CRK: variants seen among roughly 807,000 people sequenced by gnomAD.
CRK encodes the protein adapter molecule crk.
A neutral mutation model predicts 29.8 loss-of-function variants in CRK; 4 were observed. The observed-to-expected ratio is 0.13, with a 90% CI of 0.07 to 0.31. The LOEUF is 0.31. Ranked by LOEUF, CRK falls within the 10% of genes least tolerant of loss-of-function variation. CRK has a pLI of 1.00. For missense variants in CRK, 274 were observed against 396.5 expected, an observed-to-expected ratio of 0.69 and a Z score of 2.62; for synonymous variants, 153 against 164.9, an observed-to-expected ratio of 0.93 and a Z score of 0.55.
At chr17:1,454,249 A>G (rs7222282) in intron 1 of CRK, among the ~76,000 whole-genome samples, 152,239 of 152,240 alleles carry the variant, frequency 1, 76,119 homozygotes, top group Non-Finnish European at 1. Context: ...TAAAAAAATT[A>G]GTATGTGTTG....
At chr17:1,430,871 T>C (rs1224650135) in intron 2 of CRK, among the ~76,000 whole-genome samples, 1 of 150,936 alleles carries the variant, frequency 6.6e-6, no homozygotes, top group Non-Finnish European at 1.5e-5. Context: ...ATCGAGACCA[T>C]CCTGGCTAAC....
At chr17:1,436,159 A>T (rs910905579) in intron 2 of CRK, among the ~76,000 whole-genome samples, 5 of 152,114 alleles carry the variant, frequency 3.3e-5, no homozygotes, top group African/African-American at 1.2e-4. Context: ...CTCAATGAAC[A>T]TTAGTGGTAA....
intron 1 of CRK, among the ~76,000 whole-genome samples, chr17:1,454,009 T>A (rs998658524): frequency 5.3e-5 from 8 of 152,020 alleles, no homozygotes; most frequent in Non-Finnish European, 1.2e-4. Context: ...AAGACCAATC[T>A]GGCCAACCTG....
chr17:1,452,291 G>A (rs765747356), intron 1 of CRK, among the ~76,000 whole-genome samples: 1 of 152,176 alleles, frequency 6.6e-6, no homozygotes, highest in Non-Finnish European at 1.5e-5. Context: ...GTCCTAGACA[G>A]TAAGTGAAAT....
chr17:1,432,673 G>A (rs1452254424), intron 2 of CRK, among the ~76,000 whole-genome samples: 5 of 151,114 alleles, frequency 3.3e-5, no homozygotes, highest in Non-Finnish European at 5.9e-5. Context: ...GCTACTTGGG[G>A]GGCTGAGGCA....
chr17:1,437,303 C>G (rs989620723), intron 1 of CRK, 148 bp from the exon 2 acceptor site: 10 of 837,952 alleles, frequency 1.2e-5, no homozygotes, highest in Non-Finnish European at 1.8e-5. Context: ...CCTCTCACCA[C>G]AAACTCCTGA....
chr17:1,455,776 C>T, intron 1 of CRK, 101 bp downstream of exon 1: 1 of 1,368,646 alleles, frequency 7.3e-7, no homozygotes, highest in Non-Finnish European at 9.4e-7. Flanking sequence ...CAGCCCTCTG[C>T]CCACGACCCC....
At chr17:1,430,254 G>A (rs1432329839) in intron 2 of CRK, among the ~76,000 whole-genome samples, 1 of 151,862 alleles carries the variant, frequency 6.6e-6, no homozygotes, top group Admixed American at 6.6e-5. Context: ...ATGTTAGTCA[G>A]GCTGGTCTCG....
chr17:1,436,025 C>T (rs1473433112), intron 2 of CRK, among the ~76,000 whole-genome samples: 1 of 152,112 alleles, frequency 6.6e-6, no homozygotes, highest in African/African-American at 2.4e-5. Context: ...AAATTAATTC[C>T]TGAGGAAGAA....
intron 1 of CRK, among the ~76,000 whole-genome samples, chr17:1,454,125 C>A (rs1409923462): frequency 6.6e-6 from 1 of 151,978 alleles, no homozygotes; most frequent in Non-Finnish European, 1.5e-5. Flanking sequence ...TCACTTGAAC[C>A]CAAAAGGCAA....
intron 1 of CRK, among the ~76,000 whole-genome samples, chr17:1,448,106 C>T (rs1465440199): frequency 6.6e-6 from 1 of 151,984 alleles, no homozygotes; most frequent in Non-Finnish European, 1.5e-5. Context: ...CGCGCCACTG[C>T]ACTCCAGCCT....
chr17:1,428,243 A>T (rs8070290), intron 2 of CRK, among the ~76,000 whole-genome samples: 12 of 150,174 alleles, frequency 8.0e-5, no homozygotes, highest in East Asian at 4.0e-4. Flanking sequence ...CTCAGCCTCC[A>T]GAGTAGCTGG....
chr17:1,451,586 G>T (rs569113549), intron 1 of CRK, among the ~76,000 whole-genome samples: 1 of 152,114 alleles, frequency 6.6e-6, no homozygotes, highest in African/African-American at 2.4e-5. Context: ...GGATGCGGCT[G>T]TATGTGCCTG....
chr17:1,423,387 C>G lies in CRK; in HGVS notation c.*126G>C. ...TGGAGCAGTTCAGTCTAAAAAATAT[C>G]ACAGGTAACAGAATGCTTATATAAA... is the stretch of plus-strand genomic sequence containing the variant. On this transcript the variant is annotated 3_prime_UTR_variant, in exon 3 of 3. Transcript: ENST00000300574. The G allele has an allele frequency of 8.4e-7, 1 of 1,190,172 alleles. No individual in the cohort carries two copies. Among genetic ancestry groups the G allele is most frequent in the Admixed American group, 2.6e-5 (1 of 38,770 alleles). 73.7% of individuals were successfully genotyped at this position (1,190,172 alleles called of 1,614,324 possible).
chr17:1,446,163 G>A (rs972083047), intron 1 of CRK, among the ~76,000 whole-genome samples: 3 of 152,138 alleles, frequency 2.0e-5, no homozygotes, highest in Non-Finnish European at 4.4e-5. Context: ...AGCATTGTTG[G>A]AGATAACACA....
intron 2 of CRK, among the ~76,000 whole-genome samples, chr17:1,434,692 GGAATCACTT>G (rs1479372694): frequency 6.6e-6 from 1 of 150,758 alleles, no homozygotes; most frequent in Non-Finnish European, 1.5e-5. Context: ...CTGAGGCAGG[GGAATCACTT>G]GAACCTGGGA....
At position 1,449,988 on chromosome 17, in the gene CRK, C is replaced by G. The variant is rs189076031; in HGVS notation, c.241+5889G>C. ...TCAAGGCAGGTGGATTACTTGAGGT[C>G]AGGAGATCGAGACCAGCCTGGCCAA... On this transcript the variant is annotated intron_variant, in intron 1 of 2. Coordinates refer to ENST00000300574, the MANE Select transcript of CRK (RefSeq NM_016823.4). Among the ~76,000 whole-genome samples, 769 of 152,208 alleles carry G rather than the reference C, an allele frequency of 5.1e-3. 1 individual carries two copies. Among genetic ancestry groups the G allele is most frequent in the Non-Finnish European group, 8.1e-3 (552 of 68,010 alleles).
rs561693624 is a variant in CRK, at chr17:1,443,640, C to T, written c.242-6485G>A. ...GGTTTCGATCTCCTGACCTCGTGAT[C>T]CACCCACCTCGGCCTCCTAAAGTGC... On this transcript the variant is annotated intron_variant, in intron 1 of 2. Coordinates refer to ENST00000300574, the MANE Select transcript of CRK (RefSeq NM_016823.4). 6.6e-5 allele frequency among the ~76,000 whole-genome samples: 10 copies of T among 151,792 alleles called. No individual in the cohort carries two copies. The South Asian group carries it at 1.9e-3, about 28-fold the overall frequency.
rs114614227 is a variant in CRK, at chr17:1,428,056, T to C, written c.778-4406A>G. On this transcript the variant is annotated intron_variant, in intron 2 of 2. Transcript: ENST00000300574. The stretch of plus-strand genomic sequence containing the variant: ...ACCCCTTGCTGTTAACACAGAACCA[T>C]ACCAATTTCTCAAAATGTGGGGCAA... 6.3e-3 allele frequency among the ~76,000 whole-genome samples: 947 copies of C among 151,322 alleles called. 10 individuals carry two copies. Among genetic ancestry groups the C allele is most frequent in the African/African-American group, 0.021 (878 of 41,174 alleles).
Sources: allele counts gnomAD v4.1 joint callset (sites outside exome capture counted in the v4.1 genomes callset), GRCh38; gene constraint gnomAD v4.1.1; transcripts MANE v1.5; gene names NCBI Gene and HGNC (gene_info 2026-07-23, HGNC 2026-07-21).